RSRC1: variants seen among roughly 807,000 people sequenced by gnomAD.
RSRC1 encodes serine/Arginine-related protein 53.
Under a neutral mutation model 49.1 loss-of-function variants are expected in RSRC1, and 39 were observed. The ratio of observed to expected loss-of-function variants is 0.79; its 90% confidence interval spans 0.61 to 1.04. The LOEUF (loss-of-function observed/expected upper bound fraction) is 1.04. Ranked by LOEUF, RSRC1 falls within the 50% of genes least tolerant of loss-of-function variation. The pLI, the probability that RSRC1 is intolerant of heterozygous loss-of-function variation, is 0.00. For missense variants in RSRC1, 388 were observed against 402.4 expected (o/e 0.96, Z 0.31); for synonymous variants, 143 against 130.8 (o/e 1.09, Z -0.63).
chr3:158,261,619 C>T (rs1724898497), intron 4 of RSRC1, among the ~76,000 whole-genome samples: 1 of 152,190 alleles, frequency 6.6e-6, no homozygotes, highest in Admixed American at 6.5e-5. Context: ...GTATTTACAG[C>T]CACTCACCAT....
chr3:158,457,569 G>C (rs1737396345), intron 6 of RSRC1, among the ~76,000 whole-genome samples: 1 of 152,140 alleles, frequency 6.6e-6, no homozygotes, highest in African/African-American at 2.4e-5. Context: ...TTACAATTTA[G>C]ACCTATATAC....
intron 6 of RSRC1, among the ~76,000 whole-genome samples, chr3:158,456,567 A>C (rs1453263151): frequency 6.6e-6 from 1 of 152,222 alleles, no homozygotes; most frequent in Admixed American, 6.5e-5. Context: ...AGGGTATTAA[A>C]GTACCTATGG....
intron 7 of RSRC1, among the ~76,000 whole-genome samples, chr3:158,528,430 A>G (rs1004793866): frequency 9.2e-5 from 14 of 151,880 alleles, no homozygotes; most frequent in African/African-American, 3.4e-4. Context: ...ATTGAATTAC[A>G]TATCTTGCTT....
chr3:158,291,936 A>T (rs1310361373), intron 4 of RSRC1, among the ~76,000 whole-genome samples: 1 of 152,252 alleles, frequency 6.6e-6, no homozygotes, highest in Non-Finnish European at 1.5e-5. Flanking sequence ...GACGTAGAGT[A>T]TATTTCTTTT....
At chr3:158,367,507 G>C (rs12639310) in intron 6 of RSRC1, among the ~76,000 whole-genome samples, 3 of 151,978 alleles carry the variant, frequency 2.0e-5, no homozygotes, top group Non-Finnish European at 4.4e-5. Flanking sequence ...TGGTGGATAC[G>C]CTTTTTGATG....
chr3:158,283,843 G>T (rs1172251719), intron 4 of RSRC1, among the ~76,000 whole-genome samples: 2 of 150,806 alleles, frequency 1.3e-5, no homozygotes, highest in Non-Finnish European at 2.9e-5. Flanking sequence ...CTGATTCTCA[G>T]CACCTTTGCC....
chr3:158,159,037 C>T (rs138365129), intron 3 of RSRC1, among the ~76,000 whole-genome samples: 52 of 152,142 alleles, frequency 3.4e-4, no homozygotes, highest in African/African-American at 1.2e-3. Flanking sequence ...TTCTTATTTC[C>T]CAACCAAGAA....
At chr3:158,222,055 A>G (rs191169588) in intron 4 of RSRC1, among the ~76,000 whole-genome samples, 4 of 151,584 alleles carry the variant, frequency 2.6e-5, no homozygotes, top group African/African-American at 9.6e-5. Context: ...TAGGGGATTG[A>G]TAAGTTTTGG....
At chr3:158,185,978 G>C (rs1719902284) in intron 3 of RSRC1, among the ~76,000 whole-genome samples, 1 of 151,854 alleles carries the variant, frequency 6.6e-6, no homozygotes, top group Non-Finnish European at 1.5e-5. Context: ...GTTCCTTTTA[G>C]TTATGGTATG....
chr3:158,454,329 A>G (rs1295805424), intron 6 of RSRC1, among the ~76,000 whole-genome samples: 1 of 152,090 alleles, frequency 6.6e-6, no homozygotes, highest in Non-Finnish European at 1.5e-5. Context: ...TAACTATGTC[A>G]TAGAATCATT....
At chr3:158,478,886 A>G (rs1738492368) in intron 7 of RSRC1, among the ~76,000 whole-genome samples, 1 of 150,410 alleles carries the variant, frequency 6.6e-6, no homozygotes, top group Non-Finnish European at 1.5e-5. Flanking sequence ...AAAAGAGTTG[A>G]GAGTACTATT....
At chr3:158,228,165 C>A (rs933418812) in intron 4 of RSRC1, among the ~76,000 whole-genome samples, 3 of 151,910 alleles carry the variant, frequency 2.0e-5, no homozygotes, top group African/African-American at 7.2e-5. Context: ...AGAAAATTTA[C>A]TTTGTCATAT....
chr3:158,529,419 G>A (rs1712249673), intron 7 of RSRC1, among the ~76,000 whole-genome samples: 1 of 151,738 alleles, frequency 6.6e-6, no homozygotes, highest in Non-Finnish European at 1.5e-5. Flanking sequence ...CAATTCAGGG[G>A]TTGAATCCCA....
At chr3:158,171,480 G>C (rs1197516850) in intron 3 of RSRC1, among the ~76,000 whole-genome samples, 1 of 152,150 alleles carries the variant, frequency 6.6e-6, no homozygotes, top group African/African-American at 2.4e-5. Context: ...GTCCTCCAGA[G>C]TAAAGGTAAG....
At chr3:158,177,895 A>G (rs561271069) in intron 3 of RSRC1, among the ~76,000 whole-genome samples, 1 of 152,220 alleles carries the variant, frequency 6.6e-6, no homozygotes, top group South Asian at 2.1e-4. Flanking sequence ...AAAAGCAAAA[A>G]ATGTGATTTC....
intron 4 of RSRC1, among the ~76,000 whole-genome samples, chr3:158,287,545 A>T: frequency 6.6e-6 from 1 of 152,208 alleles, no homozygotes; most frequent in East Asian, 1.9e-4. Flanking sequence ...AGGATAAATC[A>T]GAAAGAACCT....
In RSRC1 at chr3:158,263,154, C is replaced by T. The variant is rs555921372; in HGVS notation, c.495-34885C>T. 2.2e-4 allele frequency among the ~76,000 whole-genome samples: 33 copies of T among 152,098 alleles called. 2 individuals are homozygous for T. In the South Asian group the frequency reaches 6.0e-3, roughly 28 times the overall value. On this transcript the variant is annotated intron_variant, in intron 4 of 9. Transcript: ENST00000611884. ...TCTTTTTCCATTATTTTGATGTTAT[C>T]AAGATAATTTTAGTAGATTCCTTTT...
chr3:158,488,586 A>G (rs1288093118), intron 7 of RSRC1, among the ~76,000 whole-genome samples: 1 of 152,188 alleles, frequency 6.6e-6, no homozygotes, highest in African/African-American at 2.4e-5. Context: ...AGAGTATATA[A>G]AGATGTTGTT....
chr3:158,125,198 T>C (rs1300052485), intron 3 of RSRC1, among the ~76,000 whole-genome samples: 1 of 152,082 alleles, frequency 6.6e-6, no homozygotes, highest in Non-Finnish European at 1.5e-5. Flanking sequence ...TTGATTTTTT[T>C]CTAAAGTCTT....
Sources: allele counts gnomAD v4.1 joint callset (sites outside exome capture counted in the v4.1 genomes callset), GRCh38; gene constraint gnomAD v4.1.1; transcripts MANE v1.5; gene names NCBI Gene and HGNC (gene_info 2026-07-23, HGNC 2026-07-21).